NDC1: variants seen among roughly 807,000 people sequenced by gnomAD.
NDC1 encodes the protein NDC1 transmembrane nucleoporin.
In NDC1, 24 loss-of-function variants were observed where a neutral mutation model predicts 89.8. The ratio of observed to expected loss-of-function variants is 0.27; its 90% CI spans 0.19 to 0.38. The LOEUF (loss-of-function observed/expected upper bound fraction) is 0.38. Among genes scored for constraint, NDC1 ranks in the 10% least tolerant of loss-of-function variants. The pLI, the probability that NDC1 is intolerant of heterozygous loss-of-function variation, is 1.00. For synonymous variants in NDC1, 296 were observed against 284.8 expected, an observed-to-expected ratio of 1.04 and a Z score of -0.39; for missense variants, 728 against 797.6, an observed-to-expected ratio of 0.91 and a Z score of 1.05.
At chr1:53,832,652 A>T in intron 2 of NDC1, 61 bp from the exon 3 acceptor site, 1 of 796,416 alleles carries the variant, frequency 1.3e-6, no homozygotes, top group African/African-American at 1.7e-5. Flanking sequence ...CGTTCAGGAC[A>T]CTGCAATATA....
At chr1:53,778,647 G>C (rs148775354) in intron 16 of NDC1, among the ~76,000 whole-genome samples, 1 of 151,892 alleles carries the variant, frequency 6.6e-6, no homozygotes, top group African/African-American at 2.4e-5. Context: ...GTAAATAAAA[G>C]CTCAGGGAAA....
intron 6 of NDC1, among the ~76,000 whole-genome samples, chr1:53,818,026 T>C (rs956679610): frequency 1.5e-4 from 23 of 152,204 alleles, no homozygotes; most frequent in African/African-American, 5.5e-4. Context: ...TTACAAATTA[T>C]AAAAAGGAGG....
intron 6 of NDC1, among the ~76,000 whole-genome samples, chr1:53,817,034 C>A (rs909841241): frequency 1.3e-5 from 2 of 152,194 alleles, no homozygotes; most frequent in African/African-American, 4.8e-5. Flanking sequence ...CACTTCTACA[C>A]TGCTTGTGGG....
rs887080442 is a variant in NDC1 at position 53,838,289 on chromosome 1, T to C, written c.-28A>G. ...AGATGGCGGCCCCTAGTCTAGGGCG[T>C]ACAGGAGACCGTGCGCCCGCCCGCC... is the stretch of plus-strand genomic sequence containing the variant. On this transcript the variant is annotated 5_prime_UTR_variant, in exon 1 of 18. Coordinates refer to ENST00000371429, the MANE Select transcript of NDC1 (RefSeq NM_018087.5). 22 of 1,516,084 alleles carry C rather than the reference T, an allele frequency of 1.5e-5. No homozygotes were observed. In the African/African-American group the frequency reaches 1.8e-4, roughly 13 times the overall value. 93.9% of individuals were successfully genotyped at this position (1,516,084 alleles called of 1,614,324 possible). A position where few individuals can be genotyped will look rare whatever the true frequency, so the allele number is the denominator to read the frequency against.
chr1:53,768,317 G>A (rs1177385855), intron 17 of NDC1, among the ~76,000 whole-genome samples: 2 of 152,128 alleles, frequency 1.3e-5, no homozygotes, highest in African/African-American at 2.4e-5. Context: ...CCTGCTGTGC[G>A]GAGTTCCAGG....
intron 3 of NDC1, among the ~76,000 whole-genome samples, chr1:53,830,377 C>G (rs1009130945): frequency 4.0e-5 from 6 of 151,804 alleles, no homozygotes; most frequent in Non-Finnish European, 8.8e-5. Flanking sequence ...TTGCTTGCAC[C>G]TGGGAGGTGG....
chr1:53,781,255 G>A (rs1394595155), intron 16 of NDC1, among the ~76,000 whole-genome samples: 1 of 152,050 alleles, frequency 6.6e-6, no homozygotes, highest in African/African-American at 2.4e-5. Flanking sequence ...GACCTCCAGA[G>A]GATAATACTT....
In NDC1 at chr1:53,765,839, G is replaced by A. The variant is rs1434235308; in HGVS notation, c.*2131C>T. ...GCATTAGTGGGCTCATAGACAGGAT[G>A]TGACTTCATCAAAGGAAATGCTTCT... On this transcript the variant is annotated 3_prime_UTR_variant, in exon 18 of 18. Coordinates refer to ENST00000371429, the MANE Select transcript of NDC1 (RefSeq NM_018087.5). 6.6e-6 allele frequency: 1 copy of A among 152,300 alleles called. No individual in the cohort carries two copies. The highest frequency in any genetic ancestry group is 2.1e-4 in the South Asian group (1 of 4,828). 9.4% of individuals were successfully genotyped at this position (152,300 alleles called of 1,614,324 possible). A position where few individuals can be genotyped will look rare whatever the true frequency, so the allele number is the denominator to read the frequency against.
At chr1:53,779,754 A>G (rs1647189277) in intron 16 of NDC1, among the ~76,000 whole-genome samples, 1 of 152,174 alleles carries the variant, frequency 6.6e-6, no homozygotes, top group South Asian at 2.1e-4. Context: ...CCTTCTTTTA[A>G]CCTCACAGGG....
intron 17 of NDC1, among the ~76,000 whole-genome samples, chr1:53,768,546 C>T (rs1647085461): frequency 6.6e-6 from 1 of 152,142 alleles, no homozygotes; most frequent in African/African-American, 2.4e-5. Context: ...TGGATGTGAA[C>T]ACTGTGTTCT....
chr1:53,793,743 C>T (rs1647601729), intron 13 of NDC1, among the ~76,000 whole-genome samples: 2 of 151,962 alleles, frequency 1.3e-5, no homozygotes, highest in African/African-American at 2.4e-5. Flanking sequence ...AGGCACACCA[C>T]CATGTCCGGT....
intron 14 of NDC1, among the ~76,000 whole-genome samples, chr1:53,789,609 C>A (rs1322739027): frequency 2.0e-5 from 3 of 151,884 alleles, no homozygotes; most frequent in Non-Finnish European, 2.9e-5. Flanking sequence ...ACCAGCCTGG[C>A]CAATATAGTG....
At chr1:53,790,322 G>A (rs1478124960) in intron 14 of NDC1, among the ~76,000 whole-genome samples, 1 of 150,020 alleles carries the variant, frequency 6.7e-6, no homozygotes, top group East Asian at 1.9e-4. Flanking sequence ...CTGAGATCAC[G>A]CCACTGCACT....
At chr1:53,784,423 G>A (rs561843601) in intron 16 of NDC1, among the ~76,000 whole-genome samples, 3 of 152,322 alleles carry the variant, frequency 2.0e-5, no homozygotes, top group African/African-American at 4.8e-5. Context: ...TTGGGAGGCC[G>A]AGGCAGGCGG....
intron 5 of NDC1, among the ~76,000 whole-genome samples, chr1:53,820,098 T>C (rs1370782803): frequency 6.6e-6 from 1 of 151,752 alleles, no homozygotes; most frequent in Non-Finnish European, 1.5e-5. Flanking sequence ...CTACTACAAA[T>C]ACAAAAATTA....
At position 53,796,523 on chromosome 1, in the gene NDC1, T is replaced by C. The variant is rs567530790; in HGVS notation, c.1584+166A>G. Among the ~76,000 whole-genome samples the C allele has an allele frequency of 3.3e-5, 5 of 151,388 alleles. No homozygotes were observed. The Admixed American group carries it at 3.3e-4, about 10-fold the overall frequency. ...GGTCAAGTCATATGAAATTACAATG[T>C]GTATAGCTCAAACCAGTCAAATATT... is the stretch of plus-strand genomic sequence containing the variant. On this transcript the variant is annotated intron_variant, in intron 13 of 17. Transcript: ENST00000371429.
chr1:53,781,300 T>C (rs1647205351), intron 16 of NDC1, among the ~76,000 whole-genome samples: 1 of 152,234 alleles, frequency 6.6e-6, no homozygotes, highest in Non-Finnish European at 1.5e-5. Context: ...ATAACTACTA[T>C]GAACTCAGCA....
chr1:53,775,039 G>A (rs1647150519), intron 16 of NDC1, among the ~76,000 whole-genome samples: 1 of 152,126 alleles, frequency 6.6e-6, no homozygotes. Flanking sequence ...CTGTTCACCA[G>A]CTATTATGCA....
At chr1:53,818,357 C>T (rs1411179219) in intron 6 of NDC1, among the ~76,000 whole-genome samples, 3 of 151,782 alleles carry the variant, frequency 2.0e-5, no homozygotes, top group Admixed American at 2.0e-4. Flanking sequence ...AGGAGAATCA[C>T]TTGAACCCAA....
Sources: gnomAD v4.1 joint callset for allele counts (sites outside exome capture counted in the v4.1 genomes callset) on GRCh38, gnomAD v4.1.1 for gene constraint, MANE v1.5 for transcripts, NCBI Gene and HGNC (gene_info 2026-07-23, HGNC 2026-07-21) for gene names.